AKAP10: variants seen among roughly 807,000 people sequenced by gnomAD.
The protein encoded by AKAP10 is A-kinase anchor protein 10, mitochondrial.
In AKAP10, 24 loss-of-function variants were observed where a neutral mutation model predicts 80.8. The ratio of observed to expected loss-of-function variants is 0.30; its 90% CI spans 0.22 to 0.42. The LOEUF is 0.42. AKAP10 is among the 10% of genes least tolerant of loss of function. The pLI is 1.00. For missense variants in AKAP10, 661 were observed against 794.9 expected, an observed-to-expected ratio of 0.83 and a Z score of 2.03; for synonymous variants, 291 against 277.7, an observed-to-expected ratio of 1.05 and a Z score of -0.48.
intron 11 of AKAP10, among the ~76,000 whole-genome samples, chr17:19,922,780 G>C (rs1351590444): frequency 1.3e-5 from 2 of 152,114 alleles, no homozygotes; most frequent in Non-Finnish European, 2.9e-5. Context: ...CGTGCCTGTA[G>C]TCCCAGCTAC....
chr17:19,974,069 G>GT (rs1477694348), intron 1 of AKAP10, among the ~76,000 whole-genome samples: 1 of 152,162 alleles, frequency 6.6e-6, no homozygotes, highest in Admixed American at 6.5e-5. Flanking sequence ...GCGCATGCCT[G>GT]TAATTCCAGC....
chr17:19,947,325 T>G, intron 5 of AKAP10, 82 bp downstream of exon 5: 3 of 1,075,314 alleles, frequency 2.8e-6, no homozygotes, highest in Non-Finnish European at 4.2e-6. Context: ...TAAGAAAAAA[T>G]TATCTTAGTC....
intron 14 of AKAP10, among the ~76,000 whole-genome samples, chr17:19,908,634 C>T (rs748720054): frequency 3.9e-5 from 6 of 152,088 alleles, no homozygotes; most frequent in Non-Finnish European, 5.9e-5. Context: ...TCAAATTGAG[C>T]TCTCTGAACT....
intron 1 of AKAP10, among the ~76,000 whole-genome samples, chr17:19,972,893 G>GT (rs1244342133): frequency 2.0e-5 from 3 of 152,000 alleles, no homozygotes; most frequent in African/African-American, 4.8e-5. Flanking sequence ...TTCAAGTTTT[G>GT]TTTTTTTAAC....
Position 19,931,835 on chromosome 17 carries a change from G to A in AKAP10, c.1611C>T (p.His537=). The A allele has an allele frequency of 2.5e-6, 4 of 1,614,072 alleles. No homozygotes were observed. Among genetic ancestry groups the A allele is most frequent in the Non-Finnish European group, 8.5e-7 (1 of 1,180,032 alleles). Residue 537 remains histidine, a synonymous_variant, in exon 10 of 15, where the codon CAC becomes CAT. Coordinates refer to ENST00000225737, the MANE Select transcript of AKAP10 (RefSeq NM_007202.4). The part of the protein sequence containing the change: ...PGSVGPPDES[H]PGSSDSSASQ... ...ACGCAGAGCTGTCAGAACTCCCTGG[G>A]TGAGACTCATCAGGAGGGCCAACAG...
chr17:19,958,472 A>G lies in AKAP10; in HGVS notation c.419T>C (p.Ile140Thr). The change falls in exon 4 of 15, where the codon ATT (isoleucine) becomes ACT (threonine). Residue 140 changes from isoleucine to threonine, a missense_variant. Coordinates refer to ENST00000225737, the MANE Select transcript of AKAP10 (RefSeq NM_007202.4). ...CATTCGCCGAAGTTCCATGAATTGA[A>G]TGAAGTAAGGGAGGACAATAGTGTC... ...LHDTIVLPYF[I>T]QFMELRRMEH... is the part of the protein sequence containing the mutation. The G allele has an allele frequency of 6.2e-7, 1 of 1,614,116 alleles. No homozygotes were observed. The highest frequency in any genetic ancestry group is 8.5e-7 in the Non-Finnish European group (1 of 1,180,044).
chr17:19,936,715 G>A (rs1431551971), intron 8 of AKAP10, among the ~76,000 whole-genome samples: 1 of 152,180 alleles, frequency 6.6e-6, no homozygotes, highest in African/African-American at 2.4e-5. Flanking sequence ...CTACAACTGA[G>A]GCAAAGAAAC....
intron 1 of AKAP10, among the ~76,000 whole-genome samples, chr17:19,975,043 T>A (rs1034960868): frequency 3.9e-5 from 6 of 152,128 alleles, no homozygotes; most frequent in Non-Finnish European, 8.8e-5. Context: ...TGTATTTTGT[T>A]TGACACATGG....
At chr17:19,973,330 G>A (rs1244934629) in intron 1 of AKAP10, among the ~76,000 whole-genome samples, 1 of 152,168 alleles carries the variant, frequency 6.6e-6, no homozygotes, top group Non-Finnish European at 1.5e-5. Flanking sequence ...TTTACATATT[G>A]TCTATGGCTT....
Position 19,962,289 on chromosome 17 carries a change from T to TAC in AKAP10, c.319+549_319+550dup, listed in dbSNP as rs774337313. ...ATACATACATACATACATACATACA[T>TAC]ACATATACACACACACACACACACA... On this transcript the variant is annotated intron_variant, in intron 3 of 14. Transcript: ENST00000225737. Among the ~76,000 whole-genome samples the TAC allele has an allele frequency of 2.1e-5, 3 of 139,844 alleles. No individual in the cohort carries two copies. The East Asian group carries it at 6.6e-4, about 31-fold the overall frequency. The allele number at this position is 139,844 out of a possible 152,430, so 91.7% of individuals were successfully genotyped here. A position where few individuals can be genotyped will look rare whatever the true frequency, so the allele number is the denominator to read the frequency against.
intron 1 of AKAP10, among the ~76,000 whole-genome samples, chr17:19,975,785 G>C (rs940461354): frequency 9.9e-5 from 15 of 152,154 alleles, no homozygotes; most frequent in Non-Finnish European, 2.2e-4. Context: ...CACTCAAAAG[G>C]TATTTGTTGA....
At position 19,952,562 on chromosome 17, in the gene AKAP10, T is replaced by G. The variant is rs546201874; in HGVS notation, c.878-5057A>C. Reference sequence around the variant, plus strand: ...CCCCCTTTAAATAGAATTATAAAGGTAGATCAAAAGTAAAAAAATGGAAAA... The same window carrying G: ...CCCCCTTTAAATAGAATTATAAAGGGAGATCAAAAGTAAAAAAATGGAAAA... On this transcript the variant is annotated intron_variant, in intron 4 of 14. Transcript: ENST00000225737. 1.2e-4 allele frequency among the ~76,000 whole-genome samples: 18 copies of G among 152,104 alleles called. No homozygotes were observed. In the South Asian group the frequency reaches 3.7e-3, roughly 32 times the overall value.
In AKAP10 at chr17:19,957,023, A is replaced by G. The variant is rs528005450; in HGVS notation, c.877+991T>C. On this transcript the variant is annotated intron_variant, in intron 4 of 14. Transcript: ENST00000225737. The stretch of plus-strand genomic sequence containing the variant: ...AGAATGAGTGAACTAAAAGATCTGA[A>G]GAAATCACTTAGCCCTTTAAGACAC... Among the ~76,000 whole-genome samples the G allele has an allele frequency of 5.3e-5, 8 of 152,316 alleles. No homozygotes were observed. The South Asian group carries it at 1.7e-3, about 32-fold the overall frequency.
chr17:19,958,219 G>A lies in AKAP10; in HGVS notation c.672C>T (p.Asp224=), dbSNP rs1353093150. ...GAGTGCTGTTAGTTCTATTATTCAG[G>A]TCAATTCCTTCTGAATGAGTCATAA... ...QLFMTHSEGI[D]LNNRTNSTQN... Residue 224 remains aspartate (D), a synonymous_variant, in exon 4 of 15, where the codon GAC becomes GAT. Transcript: ENST00000225737. 1.2e-6 allele frequency: 2 copies of A among 1,614,102 alleles called. No individual in the cohort carries two copies. The highest frequency in any genetic ancestry group is 2.2e-5 in the South Asian group (2 of 91,076).
intron 1 of AKAP10, among the ~76,000 whole-genome samples, chr17:19,975,704 T>C (rs2043556512): frequency 6.6e-6 from 1 of 152,214 alleles, no homozygotes; most frequent in Non-Finnish European, 1.5e-5. Flanking sequence ...ATAAGCTCCA[T>C]GGGTGCAGGG....
At position 19,941,776 on chromosome 17, in the gene AKAP10, T is replaced by G. The variant is rs1046392445; in HGVS notation, c.1061+50A>C. 2.1e-6 allele frequency: 3 copies of G among 1,411,220 alleles called. No individual in the cohort carries two copies. In the African/African-American group the frequency reaches 4.3e-5, roughly 20 times the overall value. The allele number at this position is 1,411,220 out of a possible 1,614,324, so 87.4% of individuals were successfully genotyped here. On this transcript the variant is annotated intron_variant, in intron 6 of 14. Transcript: ENST00000225737. ...GCTGAGTGAAGCCCATTCCTAACAATGAACCCAAATTCCCTAGGATGCACA... is the reference window on the plus strand; with the variant it reads ...GCTGAGTGAAGCCCATTCCTAACAAGGAACCCAAATTCCCTAGGATGCACA...
intron 8 of AKAP10, among the ~76,000 whole-genome samples, chr17:19,938,486 C>T (rs1358807894): frequency 1.3e-5 from 2 of 152,050 alleles, no homozygotes; most frequent in Non-Finnish European, 2.9e-5. Flanking sequence ...ATCCGCCTGC[C>T]TCAGCCTCCC....
Position 19,906,159 on chromosome 17 carries a change from G to C in AKAP10, c.*68C>G. On this transcript the variant is annotated 3_prime_UTR_variant, in exon 15 of 15. Transcript: ENST00000225737. ...TGCTGTTTTCATTGGCTGTGTTGAA[G>C]AATCCAACCAAGGGAAAAAAGTTCT... is the stretch of plus-strand genomic sequence containing the variant. 1 of 1,524,892 alleles carries C rather than the reference G, an allele frequency of 6.6e-7. No individual in the cohort carries two copies. The highest frequency in any genetic ancestry group is 1.1e-5 in the South Asian group (1 of 88,728). The allele number at this position is 1,524,892 out of a possible 1,614,324, so 94.5% of individuals were successfully genotyped here.
intron 9 of AKAP10, among the ~76,000 whole-genome samples, chr17:19,933,426 G>C (rs1171134180): frequency 6.6e-6 from 1 of 152,106 alleles, no homozygotes; most frequent in Admixed American, 6.6e-5. Context: ...AGTTTTTGTT[G>C]AATGAATCAT....
Sources: allele counts gnomAD v4.1 joint callset (sites outside exome capture counted in the v4.1 genomes callset), GRCh38; gene constraint gnomAD v4.1.1; transcripts MANE v1.5; gene names NCBI Gene and HGNC (gene_info 2026-07-23, HGNC 2026-07-21).